Variants in SNTG1 observed in about 807,000 individuals in gnomAD.
The protein encoded by SNTG1 is syntrophin gamma 1.
A neutral mutation model predicts 74.7 loss-of-function variants in SNTG1; 39 were observed. That is an observed-to-expected ratio of 0.52 (90% CI 0.40 to 0.68). The LOEUF (loss-of-function observed/expected upper bound fraction) is 0.68. Ranked by LOEUF, SNTG1 falls within the 30% of genes least tolerant of loss-of-function variation. SNTG1 has a pLI of 0.00. For missense variants in SNTG1, 685 were observed against 609.5 expected, an observed-to-expected ratio of 1.12 and a Z score of -1.30; for synonymous variants, 254 against 217.1, an observed-to-expected ratio of 1.17 and a Z score of -1.49.
intron 2 of SNTG1, among the ~76,000 whole-genome samples, chr8:50,354,692 C>T (rs1281636297): frequency 6.6e-6 from 1 of 152,082 alleles, no homozygotes; most frequent in East Asian, 1.9e-4. Flanking sequence ...AGTCCAAGCA[C>T]AGCTCAGGTG....
In SNTG1 at chr8:50,230,806, T is replaced by A. The variant is rs1005019927; in HGVS notation, c.-28+58171T>A. On this transcript the variant is annotated intron_variant, in intron 2 of 18. Coordinates refer to ENST00000642720, the MANE Select transcript of SNTG1 (RefSeq NM_018967.5). ...ACACTGTAAAACTACTAGAAGAAAA[T>A]AGGGGGAAAACTATCTAACATTGGT... Among the ~76,000 whole-genome samples the A allele has an allele frequency of 4.1e-5, 6 of 147,484 alleles. No individual in the cohort carries two copies. The South Asian group carries it at 6.4e-4, about 16-fold the overall frequency.
chr8:50,475,222 TATA>T (rs144285770), intron 8 of SNTG1, among the ~76,000 whole-genome samples: 100 of 149,142 alleles, frequency 6.7e-4, no homozygotes, highest in East Asian at 3.0e-3. Flanking sequence ...AAACTTAAAG[TATA>T]ATAATAATAA....
intron 9 of SNTG1, among the ~76,000 whole-genome samples, chr8:50,515,968 A>G (rs1039176076): frequency 4.6e-5 from 7 of 152,154 alleles, no homozygotes; most frequent in Admixed American, 1.3e-4. Context: ...TCCCTCCTCA[A>G]GTGGGTCCCT....
chr8:50,745,265 T>C (rs565423712), intron 17 of SNTG1, among the ~76,000 whole-genome samples: 2 of 151,950 alleles, frequency 1.3e-5, no homozygotes, highest in Admixed American at 1.3e-4. Context: ...AAAGAATATA[T>C]ACAAATGGCC....
intron 17 of SNTG1, among the ~76,000 whole-genome samples, chr8:50,729,979 T>C (rs1431938014): frequency 6.6e-6 from 1 of 152,050 alleles, no homozygotes; most frequent in Non-Finnish European, 1.5e-5. Context: ...AACCCTGACC[T>C]GGAGGGAGCA....
chr8:50,510,729 G>C, intron 9 of SNTG1, among the ~76,000 whole-genome samples: 1 of 152,062 alleles, frequency 6.6e-6, no homozygotes. Flanking sequence ...TTCTCTGATG[G>C]TAGTTTGTAT....
At position 50,756,196 on chromosome 8, in the gene SNTG1, G is replaced by A. The variant is rs186612500; in HGVS notation, c.1395+4085G>A. ...GTCTGCAAATATTTTTGTCCAATCT[G>A]CAGTGTGTCTTTTTGCTCTCTTGAG... is the stretch of plus-strand genomic sequence containing the variant. On this transcript the variant is annotated intron_variant, in intron 18 of 18. Coordinates refer to ENST00000642720, the MANE Select transcript of SNTG1 (RefSeq NM_018967.5). Among the ~76,000 whole-genome samples the A allele has an allele frequency of 1.2e-3, 178 of 151,838 alleles. 1 individual carries two copies. The highest frequency in any genetic ancestry group is 4.0e-3 in the African/African-American group (167 of 41,508).
chr8:50,003,680 A>T (rs1814954998), intron 1 of SNTG1, among the ~76,000 whole-genome samples: 1 of 152,140 alleles, frequency 6.6e-6, no homozygotes, highest in African/African-American at 2.4e-5. Flanking sequence ...TGTTGTAATT[A>T]CTTGGTATTT....
intron 2 of SNTG1, among the ~76,000 whole-genome samples, chr8:50,259,498 C>CA (rs1187091123): frequency 0.12 from 2,122 of 18,382 alleles, 361 homozygotes; most frequent in African/African-American, 0.25. Flanking sequence ...GACGCTGTCT[C>CA]AAAAAAAAAA....
intron 1 of SNTG1, among the ~76,000 whole-genome samples, chr8:49,944,413 A>G (rs188739364): frequency 0.015 from 2,297 of 151,704 alleles, 27 homozygotes; most frequent in Non-Finnish European, 0.023. Context: ...CATAACATAC[A>G]TTCTTTCTTT....
intron 18 of SNTG1, among the ~76,000 whole-genome samples, chr8:50,785,504 G>C (rs1056091725): frequency 2.0e-5 from 3 of 151,850 alleles, no homozygotes; most frequent in African/African-American, 4.8e-5. Flanking sequence ...CCTAAAAGAA[G>C]GAAAGATATT....
chr8:50,119,150 T>A (rs2080918517), intron 1 of SNTG1, among the ~76,000 whole-genome samples: 1 of 141,750 alleles, frequency 7.1e-6, no homozygotes, highest in Admixed American at 7.3e-5. Flanking sequence ...TTTTCTTTTT[T>A]CAGTGTGCCC....
intron 1 of SNTG1, among the ~76,000 whole-genome samples, chr8:49,961,001 C>A (rs1810633659): frequency 6.6e-6 from 1 of 152,162 alleles, no homozygotes; most frequent in Non-Finnish European, 1.5e-5. Flanking sequence ...TATTGAAATA[C>A]TATCTTGAAA....
intron 2 of SNTG1, among the ~76,000 whole-genome samples, chr8:50,350,967 C>T (rs985455743): frequency 5.9e-5 from 9 of 152,188 alleles, no homozygotes; most frequent in South Asian, 4.1e-4. Context: ...TTTGTTCTTT[C>T]GCTCTTTGCA....
chr8:50,049,837 T>A (rs959146209), intron 1 of SNTG1, among the ~76,000 whole-genome samples: 4 of 152,020 alleles, frequency 2.6e-5, no homozygotes, highest in Admixed American at 1.3e-4. Context: ...TACAGGTTAA[T>A]CAACTTTTCA....
At chr8:50,665,270 A>C (rs994128880) in intron 15 of SNTG1, among the ~76,000 whole-genome samples, 2 of 152,092 alleles carry the variant, frequency 1.3e-5, no homozygotes, top group Admixed American at 6.6e-5. Flanking sequence ...TGTTATGCGG[A>C]AGGTGAAATA....
At chr8:50,242,987 T>C (rs1442691442) in intron 2 of SNTG1, among the ~76,000 whole-genome samples, 1 of 152,068 alleles carries the variant, frequency 6.6e-6, no homozygotes, top group Middle Eastern at 3.2e-3. Context: ...TCTATGAGTT[T>C]GTCTGTTATT....
chr8:50,411,866 A>T (rs2092953402), intron 4 of SNTG1, among the ~76,000 whole-genome samples: 1 of 152,100 alleles, frequency 6.6e-6, no homozygotes, highest in Non-Finnish European at 1.5e-5. Flanking sequence ...GATTAGCCCG[A>T]GTTGGTCACA....
intron 13 of SNTG1, among the ~76,000 whole-genome samples, chr8:50,642,020 C>T (rs1163786161): frequency 6.6e-6 from 1 of 152,170 alleles, no homozygotes; most frequent in Non-Finnish European, 1.5e-5. Flanking sequence ...TTCGTATTTT[C>T]TATTTCTTTC....
Sources: allele counts gnomAD v4.1 joint callset (sites outside exome capture counted in the v4.1 genomes callset), GRCh38; gene constraint gnomAD v4.1.1; transcripts MANE v1.5; gene names NCBI Gene and HGNC (gene_info 2026-07-23, HGNC 2026-07-21).